The following PEPD variants were observed in gnomAD, a reference collection of about 807,000 sequenced individuals.
PEPD encodes the protein xaa-Pro dipeptidase.
A neutral mutation model predicts 60.7 loss-of-function variants in PEPD; 53 were observed. The ratio of observed to expected loss-of-function variants is 0.87; its 90% CI spans 0.70 to 1.10. The LOEUF (loss-of-function observed/expected upper bound fraction) is 1.10, where lower values mean the gene tolerates loss of function less well. Among genes scored for constraint, PEPD ranks in the 50% least tolerant of loss-of-function variants. PEPD has a pLI of 0.00. For missense variants in PEPD, 711 were observed against 711.9 expected, an observed-to-expected ratio of 1.00 and a Z score of 0.01; for synonymous variants, 267 against 284.1, an observed-to-expected ratio of 0.94 and a Z score of 0.60.
chr19:33,482,488 T>C (rs1020199046), intron 6 of PEPD, among the ~76,000 whole-genome samples: 1 of 152,194 alleles, frequency 6.6e-6, no homozygotes, highest in Admixed American at 6.5e-5. Flanking sequence ...ACTAACATCA[T>C]AGCATACTGA....
At chr19:33,476,821 GC>G (rs1970225332) in intron 7 of PEPD, among the ~76,000 whole-genome samples, 1 of 151,992 alleles carries the variant, frequency 6.6e-6, no homozygotes, top group African/African-American at 2.4e-5. Flanking sequence ...CCGCCACCAT[GC>G]CCTGCTAATT....
At chr19:33,392,618 T>C in intron 12 of PEPD, among the ~76,000 whole-genome samples, 1 of 152,186 alleles carries the variant, frequency 6.6e-6, no homozygotes, top group East Asian at 1.9e-4. Context: ...CGGCACCTCC[T>C]GGAGAGGTCC....
rs200123889 is a variant in PEPD at position 33,407,959 on chromosome 19, C to T, written c.818+3713G>A. On this transcript the variant is annotated intron_variant, in intron 11 of 14. Coordinates refer to ENST00000244137, the MANE Select transcript of PEPD (RefSeq NM_000285.4). ...GGGGTGGCTGGCTGGGGGTGAGGGA[C>T]GGCCCTCAGGAAGTCTGTCTCAGTC... is the stretch of plus-strand genomic sequence containing the variant. Among the ~76,000 whole-genome samples the T allele has an allele frequency of 1.1e-4, 16 of 152,324 alleles. No individual in the cohort carries two copies. The East Asian group carries it at 2.1e-3, about 20-fold the overall frequency.
intron 1 of PEPD, among the ~76,000 whole-genome samples, chr19:33,518,611 T>G (rs1279448548): frequency 2.0e-5 from 3 of 152,152 alleles, no homozygotes; most frequent in Non-Finnish European, 4.4e-5. Context: ...CCACCATGAC[T>G]CCTTCCCTCA....
intron 9 of PEPD, among the ~76,000 whole-genome samples, chr19:33,457,718 G>C (rs1018283666): frequency 6.6e-6 from 1 of 152,232 alleles, no homozygotes; most frequent in African/African-American, 2.4e-5. Context: ...CACCGCGTTA[G>C]CCAGGATGGT....
At chr19:33,429,758 T>G (rs1313199017) in intron 9 of PEPD, among the ~76,000 whole-genome samples, 1 of 152,058 alleles carries the variant, frequency 6.6e-6, no homozygotes, top group Non-Finnish European at 1.5e-5. Flanking sequence ...CACAGAACAA[T>G]AGTACAAAGA....
At chr19:33,506,741 CCACA>C (rs897576754) in intron 3 of PEPD, among the ~76,000 whole-genome samples, 2 of 147,486 alleles carry the variant, frequency 1.4e-5, no homozygotes, top group African/African-American at 5.0e-5. Flanking sequence ...ATACCACACA[CCACA>C]CACACACCCA....
intron 9 of PEPD, among the ~76,000 whole-genome samples, chr19:33,457,441 T>C (rs1483246849): frequency 6.6e-6 from 1 of 152,134 alleles, no homozygotes; most frequent in Non-Finnish European, 1.5e-5. Flanking sequence ...CTGAGCACTG[T>C]GGGCTGGCAG....
intron 1 of PEPD, 61 bp downstream of exon 1, chr19:33,521,683 C>CCGG: frequency 6.5e-7 from 1 of 1,530,778 alleles, no homozygotes; most frequent in Non-Finnish European, 8.8e-7. Flanking sequence ...CGCGGTCCGG[C>CCGG]CGGGACACCC....
chr19:33,392,520 GC>G (rs1398828634), intron 12 of PEPD, among the ~76,000 whole-genome samples: 2 of 152,178 alleles, frequency 1.3e-5, no homozygotes, highest in African/African-American at 2.4e-5. Flanking sequence ...AGAGGCCGGG[GC>G]CCCAGGACAC....
At chr19:33,495,927 G>T (rs1335958741) in intron 4 of PEPD, among the ~76,000 whole-genome samples, 1 of 152,138 alleles carries the variant, frequency 6.6e-6, no homozygotes, top group Non-Finnish European at 1.5e-5. Flanking sequence ...GTTTCAGTGA[G>T]TCGTGACTGC....
chr19:33,433,593 A>T (rs1267880584), intron 9 of PEPD, among the ~76,000 whole-genome samples: 1 of 152,348 alleles, frequency 6.6e-6, no homozygotes, highest in East Asian at 1.9e-4. Context: ...CTTCTTGTCA[A>T]ATGAGAAACA....
At chr19:33,434,244 G>A (rs895739334) in intron 9 of PEPD, among the ~76,000 whole-genome samples, 1 of 151,988 alleles carries the variant, frequency 6.6e-6, no homozygotes, top group Admixed American at 6.6e-5. Context: ...TTACCCACCC[G>A]CCATACACAG....
intron 9 of PEPD, among the ~76,000 whole-genome samples, chr19:33,420,546 A>G (rs1968989828): frequency 1.3e-5 from 2 of 152,112 alleles, no homozygotes. Flanking sequence ...TACTAAAAAC[A>G]CAAAAATTAG....
intron 3 of PEPD, among the ~76,000 whole-genome samples, chr19:33,509,903 C>T (rs1247952076): frequency 7.2e-5 from 11 of 152,174 alleles, no homozygotes; most frequent in Non-Finnish European, 1.5e-4. Flanking sequence ...CCCAGCAGCC[C>T]GAGCCTCTGC....
chr19:33,427,026 C>T (rs1363067801), intron 9 of PEPD, among the ~76,000 whole-genome samples: 2 of 152,276 alleles, frequency 1.3e-5, no homozygotes, highest in African/African-American at 4.8e-5. Flanking sequence ...CCGACAACCC[C>T]TCTTCTAATG....
chr19:33,521,686 G>A (rs1230867525), intron 1 of PEPD, 58 bp downstream of exon 1: 1 of 1,540,498 alleles, frequency 6.5e-7, no homozygotes, highest in Admixed American at 1.9e-5. Flanking sequence ...GGTCCGGCCG[G>A]GACACCCATG....
chr19:33,395,607 C>T (rs1008263869), intron 12 of PEPD, among the ~76,000 whole-genome samples: 12 of 152,334 alleles, frequency 7.9e-5, no homozygotes, highest in Non-Finnish European at 1.8e-4. Context: ...CAGGCAGCAC[C>T]CGCTCCTGCT....
intron 6 of PEPD, among the ~76,000 whole-genome samples, chr19:33,483,526 T>G (rs889962042): frequency 6.6e-6 from 1 of 152,150 alleles, no homozygotes; most frequent in African/African-American, 2.4e-5. Flanking sequence ...GACCTGCTCC[T>G]TAGCCAGGTG....
Sources: gnomAD v4.1 joint callset for allele counts (sites outside exome capture counted in the v4.1 genomes callset) on GRCh38, gnomAD v4.1.1 for gene constraint, MANE v1.5 for transcripts, NCBI Gene and HGNC (gene_info 2026-07-23, HGNC 2026-07-21) for gene names.